SPMIP2: variants seen among roughly 807,000 people sequenced by gnomAD.
SPMIP2 encodes the protein protein SPMIP2.
the SPMIP2 span, among the ~76,000 whole-genome samples, chr4:159,006,530 G>A: frequency 6.6e-6 from 1 of 152,160 alleles, no homozygotes; most frequent in Non-Finnish European, 1.5e-5. Flanking sequence ...TACAGGATAT[G>A]TTGTACATGC....
chr4:158,991,423 C>T, the SPMIP2 span, among the ~76,000 whole-genome samples: 10 of 152,146 alleles, frequency 6.6e-5, no homozygotes, highest in Admixed American at 5.2e-4. Flanking sequence ...ATCCACTGCC[C>T]CTGACATGTG....
the SPMIP2 span, among the ~76,000 whole-genome samples, chr4:158,951,278 T>C: frequency 3.3e-5 from 5 of 152,204 alleles, no homozygotes; most frequent in African/African-American, 7.2e-5. Context: ...GTGCACATCA[T>C]AGAGTGTACT....
chr4:158,986,904 G>C, the SPMIP2 span, among the ~76,000 whole-genome samples: 10 of 139,920 alleles, frequency 7.1e-5, no homozygotes, highest in African/African-American at 2.6e-4. Context: ...CTAATATCCA[G>C]AATCTACAAT....
chr4:158,946,789 A>C, the SPMIP2 span, among the ~76,000 whole-genome samples: 1 of 152,202 alleles, frequency 6.6e-6, no homozygotes, highest in East Asian at 1.9e-4. Context: ...ATGATCAATC[A>C]TGTATTAGGC....
At chr4:158,927,565 C>T in the SPMIP2 span, among the ~76,000 whole-genome samples, 2 of 152,234 alleles carry the variant, frequency 1.3e-5, no homozygotes, top group Non-Finnish European at 1.5e-5. Flanking sequence ...CTCCCTCGCT[C>T]TCGGCGCCTC....
the SPMIP2 span, among the ~76,000 whole-genome samples, chr4:159,052,075 C>A: frequency 6.6e-6 from 1 of 152,014 alleles, no homozygotes; most frequent in Non-Finnish European, 1.5e-5. Context: ...GCAAGATTCC[C>A]CCCAGAAAGT....
At chr4:159,015,680 A>G in the SPMIP2 span, among the ~76,000 whole-genome samples, 36 of 152,360 alleles carry the variant, frequency 2.4e-4, no homozygotes, top group Non-Finnish European at 4.6e-4. Flanking sequence ...TAATTTGTAT[A>G]TAAATATGAA....
the SPMIP2 span, among the ~76,000 whole-genome samples, chr4:158,962,486 C>T: frequency 6.6e-6 from 1 of 152,168 alleles, no homozygotes; most frequent in Non-Finnish European, 1.5e-5. Context: ...TCTTCTATAG[C>T]CTCCTCCTTG....
At chr4:158,960,332 T>C in the SPMIP2 span, 1 of 1,564,682 alleles carries the variant, frequency 6.4e-7, no homozygotes, top group Non-Finnish European at 8.8e-7. Flanking sequence ...GAAGCTTGAC[T>C]TAGTTCTTCA....
chr4:158,989,918 A>C, the SPMIP2 span, among the ~76,000 whole-genome samples: 1 of 152,220 alleles, frequency 6.6e-6, no homozygotes, highest in Admixed American at 6.5e-5. Context: ...TGCACAGCAA[A>C]AGAAACTATT....
chr4:159,042,009 T>C, the SPMIP2 span, among the ~76,000 whole-genome samples: 5,452 of 152,290 alleles, frequency 0.036, 107 homozygotes, highest in Admixed American at 0.045. Context: ...AAATTTGATC[T>C]TCAACAAACA....
At chr4:158,907,594 C>A in the SPMIP2 span, 2 of 152,108 alleles carry the variant, frequency 1.3e-5, no homozygotes, top group Non-Finnish European at 2.9e-5. Context: ...TCCCAAAATT[C>A]TTTTAAAGTC....
chr4:158,991,457 G>A, the SPMIP2 span, among the ~76,000 whole-genome samples: 2 of 152,158 alleles, frequency 1.3e-5, no homozygotes, highest in South Asian at 2.1e-4. Context: ...TGATAGGATG[G>A]TCAACGTGTA....
chr4:159,018,632 C>G, the SPMIP2 span, among the ~76,000 whole-genome samples: 2 of 151,980 alleles, frequency 1.3e-5, no homozygotes, highest in Non-Finnish European at 2.9e-5. Context: ...TTTTTTTGTC[C>G]CTAGGCAAGT....
the SPMIP2 span, among the ~76,000 whole-genome samples, chr4:158,984,877 C>T: frequency 4.6e-5 from 7 of 151,732 alleles, no homozygotes; most frequent in African/African-American, 1.7e-4. Flanking sequence ...AAAACTGATA[C>T]ACCGCTAGCA....
At chr4:158,994,543 C>G in the SPMIP2 span, among the ~76,000 whole-genome samples, 1 of 152,116 alleles carries the variant, frequency 6.6e-6, no homozygotes, top group Non-Finnish European at 1.5e-5. Context: ...GAGGTCAATC[C>G]TCTATTTCAG....
the SPMIP2 span, among the ~76,000 whole-genome samples, chr4:158,998,875 G>A: frequency 1.2e-4 from 19 of 152,176 alleles, 1 homozygote; most frequent in Middle Eastern, 3.4e-3. Flanking sequence ...CTTGTAAAAC[G>A]TATGTACCAT....
chr4:159,040,923 A>G, the SPMIP2 span, among the ~76,000 whole-genome samples: 1 of 152,206 alleles, frequency 6.6e-6, no homozygotes, highest in Non-Finnish European at 1.5e-5. Flanking sequence ...CTATAAGTCA[A>G]TTGGGATAAT....
the SPMIP2 span, among the ~76,000 whole-genome samples, chr4:159,061,382 A>G: frequency 6.6e-6 from 1 of 152,022 alleles, no homozygotes; most frequent in Admixed American, 6.6e-5. Flanking sequence ...CCTTACCCCG[A>G]GACCAGGAAC....
Sources: allele counts gnomAD v4.1 joint callset (sites outside exome capture counted in the v4.1 genomes callset), GRCh38; gene constraint gnomAD v4.1.1; transcripts MANE v1.5; gene names NCBI Gene and HGNC (gene_info 2026-07-23, HGNC 2026-07-21).